TARP: variants seen among roughly 807,000 people sequenced by gnomAD.
the TARP span, among the ~76,000 whole-genome samples, chr7:38,270,979 A>G: frequency 6.6e-6 from 1 of 150,910 alleles, no homozygotes; most frequent in South Asian, 2.1e-4. Context: ...AATTAGTAAG[A>G]TGTATGTATT....
chr7:38,265,581 A>G, the TARP span: 3 of 1,611,982 alleles, frequency 1.9e-6, no homozygotes, highest in Admixed American at 5.0e-5. Context: ...ATTTCTCAAG[A>G]AGACAAAGGT....
chr7:38,261,526 C>CA, the TARP span, among the ~76,000 whole-genome samples: 2 of 151,198 alleles, frequency 1.3e-5, no homozygotes, highest in Non-Finnish European at 2.9e-5. Flanking sequence ...AAGACTAAAA[C>CA]AAAACAACTC....
At chr7:38,271,821 T>A in the TARP span, among the ~76,000 whole-genome samples, 1 of 150,980 alleles carries the variant, frequency 6.6e-6, no homozygotes, top group Admixed American at 6.7e-5. Flanking sequence ...AAAACAAAAG[T>A]TTTAATGAAA....
At chr7:38,268,780 C>A in the TARP span, among the ~76,000 whole-genome samples, 3 of 151,690 alleles carry the variant, frequency 2.0e-5, no homozygotes, top group East Asian at 5.8e-4. Context: ...TGATAACCTT[C>A]CATTTGAGCA....
the TARP span, chr7:38,265,817 G>C: frequency 1.6e-5 from 11 of 674,700 alleles, no homozygotes; most frequent in South Asian, 2.1e-4. Context: ...TTTCATCCAG[G>C]ATAGGCTGCA....
chr7:38,265,500 C>T, the TARP span: 1 of 1,611,934 alleles, frequency 6.2e-7, no homozygotes, highest in Non-Finnish European at 8.5e-7. Context: ...TCATGGTGTT[C>T]CCCTCCTGGG....
At chr7:38,262,978 G>A in the TARP span, among the ~76,000 whole-genome samples, 1 of 151,328 alleles carries the variant, frequency 6.6e-6, no homozygotes, top group Non-Finnish European at 1.5e-5. Context: ...TTCAGTCCTT[G>A]AATCCACAAC....
chr7:38,269,906 C>A, the TARP span, among the ~76,000 whole-genome samples: 1 of 151,882 alleles, frequency 6.6e-6, no homozygotes. Context: ...TTGAGGCCAG[C>A]CTGGGCAACA....
At chr7:38,270,093 C>A in the TARP span, among the ~76,000 whole-genome samples, 2 of 151,844 alleles carry the variant, frequency 1.3e-5, no homozygotes, top group Non-Finnish European at 1.5e-5. Context: ...CAGGGGAAGA[C>A]CCTGCCTCAA....
At chr7:38,265,766 T>C in the TARP span, 1 of 992,592 alleles carries the variant, frequency 1.0e-6, no homozygotes, top group Non-Finnish European at 1.5e-6. Flanking sequence ...TACATAACCA[T>C]AAAAAGAGAA....
At chr7:38,271,538 C>T in the TARP span, among the ~76,000 whole-genome samples, 1 of 147,314 alleles carries the variant, frequency 6.8e-6, no homozygotes, top group Non-Finnish European at 1.5e-5. Flanking sequence ...GGGAATAGCA[C>T]TGGTAAAAGG....
the TARP span, chr7:38,269,387 C>G: frequency 1.6e-6 from 1 of 638,656 alleles, no homozygotes; most frequent in African/African-American, 1.8e-5. Context: ...ATCAAATCCC[C>G]ATCCAATTCC....
At chr7:38,259,796 C>G in the TARP span, 1 of 329,896 alleles carries the variant, frequency 3.0e-6, no homozygotes, top group Admixed American at 4.2e-5. Flanking sequence ...AGGCTAGAAG[C>G]CGCAGGATGT....
At chr7:38,262,851 G>A in the TARP span, among the ~76,000 whole-genome samples, 3 of 151,258 alleles carry the variant, frequency 2.0e-5, no homozygotes, top group Admixed American at 1.3e-4. Context: ...TAGAGACAGG[G>A]TTTCGCCATG....
At chr7:38,262,326 A>T in the TARP span, 1 of 793,694 alleles carries the variant, frequency 1.3e-6, no homozygotes, top group South Asian at 1.6e-5. Flanking sequence ...GTTATTAAAA[A>T]TATGAGCCCA....
At chr7:38,262,260 G>A in the TARP span, 1 of 1,444,794 alleles carries the variant, frequency 6.9e-7, no homozygotes, top group South Asian at 1.2e-5. Context: ...GTTCGTGTGT[G>A]TGTGTGTAAT....
the TARP span, chr7:38,260,145 G>A: frequency 1.2e-6 from 2 of 1,601,542 alleles, no homozygotes; most frequent in Non-Finnish European, 8.5e-7. Context: ...AGCAGGTGAT[G>A]ATGGCAAAAT....
chr7:38,265,972 G>T, the TARP span, among the ~76,000 whole-genome samples: 1 of 151,520 alleles, frequency 6.6e-6, no homozygotes, highest in Non-Finnish European at 1.5e-5. Context: ...TGATGAGTGT[G>T]ATTTTTAACT....
chr7:38,268,505 T>C, the TARP span, among the ~76,000 whole-genome samples: 820 of 151,862 alleles, frequency 5.4e-3, 14 homozygotes, highest in African/African-American at 0.019. Context: ...TTAATTGATT[T>C]GATATCTTGA....
Sources: allele counts gnomAD v4.1 joint callset (sites outside exome capture counted in the v4.1 genomes callset), GRCh38; gene constraint gnomAD v4.1.1; transcripts MANE v1.5.